ENG: variants seen among roughly 807,000 people sequenced by gnomAD.
ENG encodes the protein CD105 antigen.
A neutral mutation model predicts 71.0 loss-of-function variants in ENG; 17 were observed. That is an observed-to-expected ratio of 0.24 (90% CI 0.16 to 0.36). The LOEUF (loss-of-function observed/expected upper bound fraction) is 0.36, where lower values mean the gene tolerates loss of function less well. Among genes scored for constraint, ENG ranks in the 10% least tolerant of loss-of-function variants. The probability of loss-of-function intolerance (pLI) is 1.00; values close to 1 mark genes in which losing one functional copy is unlikely to be tolerated. For missense variants in ENG, 749 were observed against 868.3 expected (o/e 0.86, Z 1.73); for synonymous variants, 360 against 366.9 (o/e 0.98, Z 0.21).
At chr9:127,818,487 C>G in intron 11 of ENG, 110 bp from the exon 12 acceptor site, 1 of 1,555,294 alleles carries the variant, frequency 6.4e-7, no homozygotes, top group Non-Finnish European at 8.7e-7. Context: ...TGAGTCCTCA[C>G]AGTGGAAAGA....
At chr9:127,824,183 T>G (rs919229180) in intron 8 of ENG, 121 bp downstream of exon 8, 38 of 1,428,158 alleles carry the variant, frequency 2.7e-5, no homozygotes, top group Non-Finnish European at 3.6e-5. Context: ...GTGGGAAAAC[T>G]AAGGCTTGCA....
At position 127,831,314 on chromosome 9, in the gene ENG, C is replaced by T. The variant is rs117137328; in HGVS notation, c.220-1487G>A. On this transcript the variant is annotated intron_variant, in intron 2 of 14. Transcript: ENST00000373203. ...TAGCTGGAACTGCAGGTGCCCACCA[C>T]GACGCATGGCTAATTTTTTGTATTT... 8.6e-3 allele frequency among the ~76,000 whole-genome samples: 1,306 copies of T among 151,916 alleles called. 14 individuals are homozygous for T. Among genetic ancestry groups the T allele is most frequent in the Non-Finnish European group, 0.011 (758 of 67,990 alleles).
intron 12 of ENG, chr9:127,817,846 A>G: frequency 1.8e-6 from 1 of 563,500 alleles, no homozygotes; most frequent in South Asian, 2.0e-5. Flanking sequence ...GGATGGATGG[A>G]TGGACGGACG....
At chr9:127,826,766 C>G in intron 3 of ENG, 94 bp from the exon 4 acceptor site, 2 of 1,515,416 alleles carry the variant, frequency 1.3e-6, no homozygotes, top group South Asian at 2.4e-5. Flanking sequence ...TGGAGTCAGC[C>G]CATTGGCTGA....
In ENG at chr9:127,826,614, G is replaced by C. The variant is rs1267219458; in HGVS notation, c.419C>G (p.Ser140Cys). ...CTCAAGGATCTGGGTCTTGGGGAAG[G>C]ATGGCAGCTCTGTGGTGTTGACCCC... ...PPGVNTTELPSFPKTQILEWA... is the reference protein window; with the variant it reads ...PPGVNTTELPCFPKTQILEWA... Residue 140 changes from serine to cysteine, a missense_variant, in exon 4 of 15, where the codon TCC becomes TGC. Physicochemically the swap from Ser to Cys is moderately radical, Grantham distance 112 (BLOSUM62 -1). Coordinates refer to ENST00000373203, the MANE Select transcript of ENG (RefSeq NM_001114753.3). 1 of 1,613,980 alleles carries C rather than the reference G, an allele frequency of 6.2e-7. No homozygotes were observed. The highest frequency in any genetic ancestry group is 2.2e-5 in the East Asian group (1 of 44,898).
intron 13 of ENG, 174 bp from the exon 14 acceptor site, chr9:127,816,227 T>C (rs1188662739): frequency 3.6e-6 from 3 of 835,842 alleles, no homozygotes; most frequent in Non-Finnish European, 1.9e-6. Context: ...AGGCCTGGCA[T>C]TGAGCCATGG....
chr9:127,820,681 T>C (rs934019832), intron 8 of ENG, among the ~76,000 whole-genome samples: 42 of 150,944 alleles, frequency 2.8e-4, no homozygotes, highest in African/African-American at 9.5e-4. Flanking sequence ...ACAAAAAAAT[T>C]AGCCGGGCGT....
At position 127,825,627 on chromosome 9, in the gene ENG, G is replaced by GC. The variant is rs1166529923; in HGVS notation, c.689+67dup. ...GGCTTTATAAGGGACCGGAGAGGGG[G>GC]CGGGGGGGGTCAGGGGGGTGGTCTC... On this transcript the variant is annotated intron_variant, in intron 5 of 14. Transcript: ENST00000373203. 1.8e-4 allele frequency: 224 copies of GC among 1,228,300 alleles called. 3 individuals carry two copies. The African/African-American group carries it at 4.2e-3, about 23-fold the overall frequency. The allele number at this position is 1,228,300 out of a possible 1,614,324, so 76.1% of individuals were successfully genotyped here.
At chr9:127,848,037 T>C (rs1181952299) in intron 1 of ENG, among the ~76,000 whole-genome samples, 1 of 152,148 alleles carries the variant, frequency 6.6e-6, no homozygotes, top group Non-Finnish European at 1.5e-5. Flanking sequence ...AGTGTTCTCA[T>C]CTGTAACATG....
intron 1 of ENG, 138 bp from the exon 2 acceptor site, chr9:127,843,383 A>G: frequency 5.3e-6 from 6 of 1,141,152 alleles, no homozygotes; most frequent in Non-Finnish European, 7.7e-6. Context: ...TGAGGTGGAT[A>G]TCATTATATT....
chr9:127,847,610 C>T (rs1300837679), intron 1 of ENG, among the ~76,000 whole-genome samples: 2 of 152,088 alleles, frequency 1.3e-5, no homozygotes, highest in South Asian at 2.1e-4. Context: ...CCACCACACT[C>T]AGCTAATTTT....
chr9:127,846,160 C>A lies in ENG; in HGVS notation c.68-2915G>T, dbSNP rs41495646. Among the ~76,000 whole-genome samples, 542 of 152,276 alleles carry A rather than the reference C, an allele frequency of 3.6e-3. 2 individuals carry two copies. Among genetic ancestry groups the A allele is most frequent in the African/African-American group, 0.012 (518 of 41,544 alleles). ...TGGGATGGAGAGGTCACTGGGATCTCCCTCACCCCAACAAAATCAAGGGCT... is the reference window on the plus strand; with the variant it reads ...TGGGATGGAGAGGTCACTGGGATCTACCTCACCCCAACAAAATCAAGGGCT... On this transcript the variant is annotated intron_variant, in intron 1 of 14. Transcript: ENST00000373203. This position sits in a 1 kb window ranked among gnomAD's most constrained non-coding sequence, Gnocchi z 5.5.
At chr9:127,848,771 G>A (rs1831230326) in intron 1 of ENG, among the ~76,000 whole-genome samples, 1 of 152,176 alleles carries the variant, frequency 6.6e-6, no homozygotes, top group African/African-American at 2.4e-5. Flanking sequence ...CCAGGACAAG[G>A]AGAGTCCACA....
At chr9:127,852,622 T>A (rs886399351) in intron 1 of ENG, among the ~76,000 whole-genome samples, 2 of 152,140 alleles carry the variant, frequency 1.3e-5, no homozygotes, top group Non-Finnish European at 2.9e-5. Context: ...CAAACTCATT[T>A]CTTTCTAATC....
At position 127,825,688 on chromosome 9, in the gene ENG, G is replaced by A; in HGVS notation, c.689+7C>T. Reference sequence around the variant, plus strand: ...GACTAGTGTCAGGGGCGGGGCGAGAGCCATACCCGGCCGAGTGGCCCGGCA... The same window carrying A: ...GACTAGTGTCAGGGGCGGGGCGAGAACCATACCCGGCCGAGTGGCCCGGCA... On this transcript the variant is annotated splice_region_variant and intron_variant, in intron 5 of 14. Transcript: ENST00000373203. The A allele has an allele frequency of 6.4e-7, 1 of 1,570,794 alleles. No individual in the cohort carries two copies. The highest frequency in any genetic ancestry group is 8.6e-7 in the Non-Finnish European group (1 of 1,163,072).
chr9:127,824,960 G>A lies in ENG; in HGVS notation c.831C>T (p.Tyr277=), dbSNP rs121918400. 6 of 1,613,508 alleles carry A rather than the reference G, an allele frequency of 3.7e-6. No homozygotes were observed. Among genetic ancestry groups the A allele is most frequent in the Admixed American group, 1.7e-5 (1 of 59,972 alleles). ...TTTTCTCTGGAAAGATCTTGAAGGA[G>A]TATTCTCCAGTGGTCTAATGGTGGG... is the stretch of plus-strand genomic sequence containing the variant. ...HNMQIWTTGE[Y]SFKIFPEKNI... is the part of the protein sequence containing the mutation. The change falls in exon 7 of 15, where the codon TAC becomes TAT. Residue 277 remains tyrosine (Y), a synonymous_variant. Transcript: ENST00000373203.
At position 127,825,375 on chromosome 9, in the gene ENG, CG is replaced by C. The variant is rs557108998; in HGVS notation, c.690-19del. On this transcript the variant is annotated intron_variant, in intron 5 of 14. Transcript: ENST00000373203. ...TCCGGGGCCTGCGGGGAGACAGACG[CG>C]GATGGAACACTGAAGCGGACAGGCC... 29 of 1,607,812 alleles carry C rather than the reference CG, an allele frequency of 1.8e-5. No individual in the cohort carries two copies. Among genetic ancestry groups the C allele is most frequent in the Non-Finnish European group, 2.5e-5 (29 of 1,179,562 alleles).
rs986427384 is a variant in ENG, at chr9:127,838,693, C to T, written c.219+4401G>A. On this transcript the variant is annotated intron_variant, in intron 2 of 14. Transcript: ENST00000373203. The surrounding 1 kb of genome is among the most constrained non-coding windows in gnomAD (Gnocchi z 4.3). ...TAGCAGATCGGCCCAGTCAGCCTGA[C>T]GGGAATTGCTGAGACACCAGGCTGG... Among the ~76,000 whole-genome samples the T allele has an allele frequency of 1.3e-5, 2 of 152,134 alleles. No homozygotes were observed. Among genetic ancestry groups the T allele is most frequent in the African/African-American group, 4.8e-5 (2 of 41,420 alleles).
At position 127,825,676 on chromosome 9, in the gene ENG, G is replaced by T; in HGVS notation, c.689+19C>A. The T allele has an allele frequency of 1.3e-6, 2 of 1,545,824 alleles. No individual in the cohort carries two copies. Among genetic ancestry groups the T allele is most frequent in the Non-Finnish European group, 1.7e-6 (2 of 1,150,408 alleles). Reference sequence around the variant, plus strand: ...TCTCGGGGTGGGGACTAGTGTCAGGGGCGGGGCGAGAGCCATACCCGGCCG... The same window carrying T: ...TCTCGGGGTGGGGACTAGTGTCAGGTGCGGGGCGAGAGCCATACCCGGCCG... On this transcript the variant is annotated intron_variant, in intron 5 of 14. Transcript: ENST00000373203.
Sources: gnomAD v4.1 joint callset for allele counts (sites outside exome capture counted in the v4.1 genomes callset) on GRCh38, gnomAD v4.1.1 for gene constraint, Gnocchi (gnomAD v3.1) non-coding constraint, MANE v1.5 for transcripts, NCBI Gene and HGNC (gene_info 2026-07-23, HGNC 2026-07-21) for gene names.